The following HOOK3 variants were observed in gnomAD, a reference collection of about 807,000 sequenced individuals.
HOOK3 encodes the protein protein Hook homolog 3.
A neutral mutation model predicts 116.3 loss-of-function variants in HOOK3; 24 were observed. The ratio of observed to expected loss-of-function variants is 0.21; its 90% confidence interval spans 0.15 to 0.29. The LOEUF is 0.29. HOOK3 is among the 10% of genes least tolerant of loss of function. HOOK3 has a pLI of 1.00. For missense variants in HOOK3, 632 were observed against 830.2 expected (o/e 0.76, Z 2.93); for synonymous variants, 275 against 283.0 (o/e 0.97, Z 0.28).
Position 43,013,071 on chromosome 8 carries a change from T to C in HOOK3, c.1860T>C (p.Pro620=). 6.2e-7 allele frequency: 1 copy of C among 1,611,614 alleles called. No individual in the cohort carries two copies. Among genetic ancestry groups the C allele is most frequent in the Non-Finnish European group, 8.5e-7 (1 of 1,179,004 alleles). Residue 620 remains proline, a synonymous_variant, in exon 20 of 22, where the codon CCT becomes CCC. Transcript: ENST00000307602. The part of the protein sequence containing the change: ...KAKSVIRTLD[P]KQNQGAAPEI... ...TGCAGGTCATCCGTACTTTAGATCC[T>C]AAACAGAATCAAGGAGCAGCACCAG...
At chr8:42,979,746 G>A (rs992875250) in intron 13 of HOOK3, among the ~76,000 whole-genome samples, 2 of 151,936 alleles carry the variant, frequency 1.3e-5, no homozygotes, top group Admixed American at 6.6e-5. Context: ...TCTCTTTACC[G>A]TTTCTAGACC....
chr8:42,903,338 C>CTTTTTTTTTTTTTTTTTTTTTTTTTT (rs1164136399), intron 1 of HOOK3, among the ~76,000 whole-genome samples: 6 of 87,590 alleles, frequency 6.9e-5, no homozygotes, highest in African/African-American at 2.4e-4. Context: ...TAATAGTTGT[C>CTTTTTTTTTTTTTTTTTTTTTTTTTT]TTTTTTTTTT....
chr8:42,904,326 T>C (rs958185538), intron 1 of HOOK3, among the ~76,000 whole-genome samples: 63 of 150,436 alleles, frequency 4.2e-4, no homozygotes, highest in Non-Finnish European at 7.5e-4. Context: ...TTTTTTTTTT[T>C]TGAGACGGAG....
At chr8:43,003,525 A>C (rs1442948453) in intron 17 of HOOK3, among the ~76,000 whole-genome samples, 1 of 152,236 alleles carries the variant, frequency 6.6e-6, no homozygotes, top group African/African-American at 2.4e-5. Flanking sequence ...TTCTGTGCGC[A>C]GTCATTTACA....
intron 9 of HOOK3, 71 bp from the exon 10 acceptor site, chr8:42,966,402 C>T (rs1808633594): frequency 1.3e-6 from 2 of 1,490,074 alleles, no homozygotes; most frequent in Non-Finnish European, 1.8e-6. Flanking sequence ...TTATATCTTT[C>T]TTTTACTGTT....
intron 17 of HOOK3, among the ~76,000 whole-genome samples, chr8:43,007,133 T>G (rs899187261): frequency 1.3e-5 from 2 of 150,588 alleles, no homozygotes; most frequent in African/African-American, 4.9e-5. Context: ...TTCAAGCGAT[T>G]CTCCCTCCCA....
chr8:42,923,085 A>G (rs1466366485), intron 2 of HOOK3, among the ~76,000 whole-genome samples: 1 of 152,230 alleles, frequency 6.6e-6, no homozygotes, highest in Non-Finnish European at 1.5e-5. Flanking sequence ...AGGATATACA[A>G]TGGCCAATAA....
At chr8:42,973,153 C>G (rs1808756945) in intron 11 of HOOK3, 136 bp from the exon 12 acceptor site, 1 of 855,108 alleles carries the variant, frequency 1.2e-6, no homozygotes, top group South Asian at 3.3e-5. Flanking sequence ...GTTCTCTCCA[C>G]TGTGTTAGAC....
chr8:42,914,416 G>A (rs184236491), intron 2 of HOOK3, among the ~76,000 whole-genome samples: 2 of 152,126 alleles, frequency 1.3e-5, no homozygotes, highest in East Asian at 1.9e-4. Flanking sequence ...TTATAATTAT[G>A]AATAATATGT....
At chr8:43,006,880 G>C (rs1809501690) in intron 17 of HOOK3, among the ~76,000 whole-genome samples, 1 of 151,556 alleles carries the variant, frequency 6.6e-6, no homozygotes, top group South Asian at 2.1e-4. Context: ...ATGTTACATA[G>C]TGCCATATTA....
At chr8:42,998,342 A>G (rs1809319939) in intron 16 of HOOK3, among the ~76,000 whole-genome samples, 1 of 152,194 alleles carries the variant, frequency 6.6e-6, no homozygotes, top group African/African-American at 2.4e-5. Context: ...AGTGTTCAAA[A>G]ATAGTGTAAA....
chr8:42,944,228 A>C (rs1287075236), intron 5 of HOOK3, among the ~76,000 whole-genome samples: 1 of 151,592 alleles, frequency 6.6e-6, no homozygotes, highest in Admixed American at 6.6e-5. Context: ...CAGCTTGACC[A>C]ATATGGTGAA....
At chr8:43,011,217 T>TC (rs1480129751) in intron 19 of HOOK3, among the ~76,000 whole-genome samples, 1 of 152,048 alleles carries the variant, frequency 6.6e-6, no homozygotes, top group African/African-American at 2.4e-5. Flanking sequence ...ATGGGCTTGA[T>TC]CTCCTGACCT....
In HOOK3 at chr8:42,994,552, C is replaced by T. The variant is rs570185198; in HGVS notation, c.1533-2998C>T. ...AATTTTTCAGTTTCCTTGTTGATTT[C>T]TTCACTGACCCACTGGTCATTCAGG... On this transcript the variant is annotated intron_variant, in intron 15 of 21. Transcript: ENST00000307602. 23 of 268,196 alleles carry T rather than the reference C, an allele frequency of 8.6e-5. No individual in the cohort carries two copies. The East Asian group carries it at 2.0e-3, about 23-fold the overall frequency. 16.6% of individuals were successfully genotyped at this position (268,196 alleles called of 1,614,324 possible).
chr8:42,989,566 T>G (rs11997799), intron 15 of HOOK3, among the ~76,000 whole-genome samples: 19,780 of 152,170 alleles, frequency 0.13, 1,763 homozygotes, highest in African/African-American at 0.25. Flanking sequence ...GGTAAATGGG[T>G]TATCCATCCT....
chr8:42,925,499 CTTTGT>C, intron 2 of HOOK3, 53 bp from the exon 3 acceptor site: 1 of 1,154,418 alleles, frequency 8.7e-7, no homozygotes, highest in South Asian at 1.4e-5. Flanking sequence ...ATTCAATTTT[CTTTGT>C]TTAGCTTGAT....
chr8:42,970,603 G>T (rs1458206236), intron 11 of HOOK3, among the ~76,000 whole-genome samples: 1 of 151,990 alleles, frequency 6.6e-6, no homozygotes, highest in African/African-American at 2.4e-5. Flanking sequence ...TGTGTTTGGG[G>T]TTGCTTTTTA....
At chr8:42,898,829 A>G (rs534169289) in intron 1 of HOOK3, among the ~76,000 whole-genome samples, 1 of 152,246 alleles carries the variant, frequency 6.6e-6, no homozygotes, top group East Asian at 1.9e-4. Flanking sequence ...TCATACGCCT[A>G]ACCGTCCAAA....
At chr8:43,002,223 C>T (rs572544363) in intron 17 of HOOK3, 82 bp downstream of exon 17, 15 of 1,025,042 alleles carry the variant, frequency 1.5e-5, no homozygotes, top group South Asian at 5.7e-5. Context: ...TGTGTCTGGG[C>T]GTTGGCACAG....
Sources: allele counts gnomAD v4.1 joint callset (sites outside exome capture counted in the v4.1 genomes callset), GRCh38; gene constraint gnomAD v4.1.1; transcripts MANE v1.5; gene names NCBI Gene and HGNC (gene_info 2026-07-23, HGNC 2026-07-21).